CSMD3: variants seen among roughly 807,000 people sequenced by gnomAD.
CSMD3 encodes the protein CUB and Sushi multiple domains 3.
In CSMD3, 177 loss-of-function variants were observed where a neutral mutation model predicts 435.2. The observed-to-expected ratio is 0.41, with a 90% CI of 0.36 to 0.46. The LOEUF is 0.46. Ranked by LOEUF, CSMD3 falls within the 20% of genes least tolerant of loss-of-function variation. The probability of loss-of-function intolerance (pLI) is 0.34; values close to 1 mark genes in which losing one functional copy is unlikely to be tolerated. For synonymous variants in CSMD3, 1,656 were observed against 1,520.5 expected (o/e 1.09, Z -2.07); for missense variants, 4,265 against 4,504.6 (o/e 0.95, Z 1.52).
chr8:113,130,179 T>C (rs2131677967), intron 4 of CSMD3, among the ~76,000 whole-genome samples: 2 of 152,180 alleles, frequency 1.3e-5, no homozygotes, highest in Middle Eastern at 3.4e-3. Context: ...TTGCACATAA[T>C]AGTGACAGAT....
rs768247702 is a variant in CSMD3 at position 112,506,817 on chromosome 8, C to T, written c.4769G>A (p.Gly1590Asp). The T allele has an allele frequency of 6.2e-7, 1 of 1,612,662 alleles. No homozygotes were observed. The highest frequency in any genetic ancestry group is 1.3e-5 in the African/African-American group (1 of 74,804). ...SPPVCIAPCG[G>D]NLTGSSGFIL... Reference sequence around the variant, plus strand: ...AAAGCCTGAAGATCCTGTTAAATTGCCTCCACAGGGTGCTTTAATTTAAAC... The same window carrying T: ...AAAGCCTGAAGATCCTGTTAAATTGTCTCCACAGGGTGCTTTAATTTAAAC... Residue 1590 changes from glycine (G) to aspartate (D), a missense_variant, in exon 29 of 71, where the codon GGC becomes GAC. Transcript: ENST00000297405.
intron 34 of CSMD3, among the ~76,000 whole-genome samples, chr8:112,408,075 T>C (rs1586223836): frequency 6.6e-6 from 1 of 152,070 alleles, no homozygotes; most frequent in South Asian, 2.1e-4. Context: ...AAAAAGTAGA[T>C]GTTTTGAAAA....
At chr8:112,406,501 A>T (rs778468606) in intron 35 of CSMD3, 23 bp downstream of exon 35, 1 of 1,523,460 alleles carries the variant, frequency 6.6e-7, no homozygotes, top group Admixed American at 1.7e-5. Context: ...ATAATCACAG[A>T]TCATACAAAT....
At position 112,408,376 on chromosome 8, in the gene CSMD3, T is replaced by A. The variant is rs747311577; in HGVS notation, c.5547A>T (p.Thr1849=). The change falls in exon 34 of 71, where the codon ACA becomes ACT. Residue 1849 remains threonine (T), a synonymous_variant. Transcript: ENST00000297405. The stretch of plus-strand genomic sequence containing the variant: ...TTGGTCCAACTGAAGTAAATCGAAT[T>A]GTGATCTGATTACCTGAACTCAGTG... The part of the protein sequence containing the change: ...SLPLSSGNQI[T]IRFTSVGPIT... The A allele has an allele frequency of 2.5e-6, 4 of 1,611,498 alleles. No homozygotes were observed. Among genetic ancestry groups the A allele is most frequent in the Non-Finnish European group, 3.4e-6 (4 of 1,178,110 alleles).
chr8:113,256,146 C>G (rs1016821297), intron 3 of CSMD3, among the ~76,000 whole-genome samples: 1 of 151,888 alleles, frequency 6.6e-6, no homozygotes, highest in East Asian at 1.9e-4. Context: ...AAAAAAAAAG[C>G]AAATGTAAAA....
At chr8:112,400,607 C>T (rs1277912866) in intron 35 of CSMD3, among the ~76,000 whole-genome samples, 1 of 152,020 alleles carries the variant, frequency 6.6e-6, no homozygotes, top group Non-Finnish European at 1.5e-5. Flanking sequence ...GAAGTGAGTT[C>T]TGGCTGAATC....
intron 4 of CSMD3, among the ~76,000 whole-genome samples, chr8:113,129,476 C>CACCTTATT (rs1367190010): frequency 2.0e-5 from 3 of 152,242 alleles, no homozygotes; most frequent in Admixed American, 6.5e-5. Context: ...AAATTTAGTT[C>CACCTTATT]ACCTTATTAA....
chr8:112,421,892 T>C (rs1812553277), intron 32 of CSMD3, among the ~76,000 whole-genome samples: 1 of 152,012 alleles, frequency 6.6e-6, no homozygotes, highest in South Asian at 2.1e-4. Flanking sequence ...TCTTTATACA[T>C]ATCAGCTTCA....
chr8:112,501,652 C>T (rs879678434), intron 30 of CSMD3, among the ~76,000 whole-genome samples: 1 of 152,104 alleles, frequency 6.6e-6, no homozygotes, highest in Non-Finnish European at 1.5e-5. Context: ...TGAAGAGGTT[C>T]ATACCCTTTG....
chr8:112,436,323 C>T (rs1542317), intron 32 of CSMD3, among the ~76,000 whole-genome samples: 123,556 of 151,772 alleles, frequency 0.81, 50,877 homozygotes, highest in African/African-American at 0.93. Flanking sequence ...ATGCCTTATT[C>T]TGATTAAAAA....
At chr8:112,483,117 T>G (rs1819791981) in intron 31 of CSMD3, among the ~76,000 whole-genome samples, 1 of 152,194 alleles carries the variant, frequency 6.6e-6, no homozygotes, top group Non-Finnish European at 1.5e-5. Context: ...ACATGGAGTA[T>G]AAAACTCATA....
intron 26 of CSMD3, among the ~76,000 whole-genome samples, chr8:112,551,390 G>A (rs565032965): frequency 1.3e-5 from 2 of 152,120 alleles, no homozygotes; most frequent in South Asian, 2.1e-4. Context: ...CACGTTTCAT[G>A]TTAAATCTAT....
chr8:112,847,052 A>G (rs2129655024), intron 11 of CSMD3, among the ~76,000 whole-genome samples: 1 of 152,136 alleles, frequency 6.6e-6, no homozygotes, highest in East Asian at 1.9e-4. Flanking sequence ...TCACTCTGCT[A>G]CTAGGTTCTT....
chr8:112,474,684 C>A (rs1021442564), intron 31 of CSMD3, among the ~76,000 whole-genome samples: 1 of 151,992 alleles, frequency 6.6e-6, no homozygotes, highest in African/African-American at 2.4e-5. Flanking sequence ...GAATTAGGTA[C>A]CTCCAGAAGA....
At chr8:112,543,956 A>G (rs557426605) in intron 27 of CSMD3, among the ~76,000 whole-genome samples, 3 of 152,286 alleles carry the variant, frequency 2.0e-5, no homozygotes, top group African/African-American at 7.2e-5. Flanking sequence ...TGCTAAATAA[A>G]ATAAGCCAGT....
chr8:112,464,471 A>T (rs1481781171), intron 32 of CSMD3, among the ~76,000 whole-genome samples: 1 of 152,070 alleles, frequency 6.6e-6, no homozygotes, highest in Non-Finnish European at 1.5e-5. Flanking sequence ...AAATTTATTA[A>T]TTATGAAATA....
intron 6 of CSMD3, among the ~76,000 whole-genome samples, chr8:113,012,380 T>C (rs2086286952): frequency 1.3e-5 from 2 of 151,962 alleles, no homozygotes; most frequent in Admixed American, 1.3e-4. Flanking sequence ...ATAAAAGTAA[T>C]CTACTCATCT....
At chr8:112,808,961 A>G (rs111247629) in intron 12 of CSMD3, among the ~76,000 whole-genome samples, 2,990 of 152,264 alleles carry the variant, frequency 0.02, 55 homozygotes, top group Middle Eastern at 0.048. Context: ...TATAAGATGA[A>G]TGGAACTCAT....
At chr8:113,144,620 C>T (rs757022266) in intron 4 of CSMD3, among the ~76,000 whole-genome samples, 3 of 151,450 alleles carry the variant, frequency 2.0e-5, no homozygotes, top group Non-Finnish European at 4.4e-5. Context: ...TTGAACTACT[C>T]AGATCTGTTT....
Sources: gnomAD v4.1 joint callset for allele counts (sites outside exome capture counted in the v4.1 genomes callset) on GRCh38, gnomAD v4.1.1 for gene constraint, MANE v1.5 for transcripts, NCBI Gene and HGNC (gene_info 2026-07-23, HGNC 2026-07-21) for gene names.